The following NSD1 variants were observed in gnomAD, a reference collection of about 807,000 sequenced individuals.
NSD1 encodes nuclear receptor binding SET domain protein 1.
NSD1 carries 26 observed loss-of-function variants against 242.7 expected under a neutral mutation model. That is an observed-to-expected ratio of 0.11 (90% CI 0.08 to 0.15). The LOEUF is 0.15. Ranked by LOEUF, NSD1 falls within the 10% of genes least tolerant of loss-of-function variation. The pLI is 1.00. For synonymous variants in NSD1, 1,106 were observed against 1,178.1 expected, an observed-to-expected ratio of 0.94 and a Z score of 1.25; for missense variants, 2,495 against 3,272.8, an observed-to-expected ratio of 0.76 and a Z score of 5.80.
At chr5:177,185,798 T>TATATTTAA (rs1761095806) in intron 2 of NSD1, among the ~76,000 whole-genome samples, 1 of 89,154 alleles carries the variant, frequency 1.1e-5, no homozygotes, top group South Asian at 2.6e-4. Flanking sequence ...ATTATATATA[T>TATATTTAA]ATATATATAA....
Position 177,209,746 on chromosome 5 carries a change from G to C in NSD1, c.1347G>C (p.Leu449Phe). 1 of 1,614,022 alleles carries C rather than the reference G, an allele frequency of 6.2e-7. No individual in the cohort carries two copies. The highest frequency in any genetic ancestry group is 8.5e-7 in the Non-Finnish European group (1 of 1,179,990). The change falls in exon 5 of 23, where the codon TTG becomes TTC. Residue 449 changes from leucine to phenylalanine, a missense_variant. Physicochemically the swap from Leu to Phe is conservative, Grantham distance 22 (BLOSUM62 0). This residue lies in a region of NSD1 where 515 missense variants were observed against 467.0 expected (regional missense o/e 1.10). Transcript: ENST00000439151. Reference sequence around the variant, plus strand: ...AATGTATTCCTGGTTCAATCAAGTTGGACAGTGAAGAAGATATGCCATTTG... The same window carrying C: ...AATGTATTCCTGGTTCAATCAAGTTCGACAGTGAAGAAGATATGCCATTTG... ...NRKCIPGSIK[L>F]DSEEDMPFED... is the part of the protein sequence containing the mutation.
intron 5 of NSD1, among the ~76,000 whole-genome samples, chr5:177,233,586 C>T (rs547130240): frequency 6.9e-6 from 1 of 143,900 alleles, no homozygotes; most frequent in African/African-American, 2.6e-5. Flanking sequence ...ACCATATTGG[C>T]CAGGCTGGTC....
At chr5:177,199,614 T>A (rs28510908) in intron 3 of NSD1, among the ~76,000 whole-genome samples, 1 of 148,864 alleles carries the variant, frequency 6.7e-6, no homozygotes, top group Non-Finnish European at 1.5e-5. Flanking sequence ...CTTTTCTTTT[T>A]TTTTGAGATG....
At chr5:177,251,169 G>A (rs1410472178) in intron 11 of NSD1, among the ~76,000 whole-genome samples, 1 of 149,642 alleles carries the variant, frequency 6.7e-6, no homozygotes. Flanking sequence ...CATCCTGGGC[G>A]ACAGAGCAAG....
intron 8 of NSD1, among the ~76,000 whole-genome samples, chr5:177,242,366 A>G (rs879353934): frequency 2.0e-5 from 3 of 152,098 alleles, no homozygotes; most frequent in Non-Finnish European, 4.4e-5. Flanking sequence ...ATTTTACTTG[A>G]AATAGACTTC....
Position 177,211,618 on chromosome 5 carries a change from A to G in NSD1, c.3219A>G (p.Glu1073=), listed in dbSNP as rs771553725. The G allele has an allele frequency of 2.5e-6, 4 of 1,614,088 alleles. No individual in the cohort carries two copies. The South Asian group carries it at 4.4e-5, about 18-fold the overall frequency. Residue 1073 remains glutamate, a synonymous_variant, in exon 5 of 23, where the codon GAA becomes GAG. Coordinates refer to ENST00000439151, the MANE Select transcript of NSD1 (RefSeq NM_022455.5). ...ATGCTGTACTGCAGGGAGACCGAGAACGTGGAGGTTCATTGAGAGGTGGGG... is the reference window on the plus strand; with the variant it reads ...ATGCTGTACTGCAGGGAGACCGAGAGCGTGGAGGTTCATTGAGAGGTGGGG... ...TLDAVLQGDR[E]RGGSLRGGAE...
intron 20 of NSD1, among the ~76,000 whole-genome samples, 170 bp downstream of exon 20, chr5:177,284,098 CTT>C (rs1759109274): frequency 6.6e-6 from 1 of 152,208 alleles, no homozygotes; most frequent in Non-Finnish European, 1.5e-5. Context: ...CTCCAGAACT[CTT>C]TTCATCTTCC....
At chr5:177,284,819 C>T (rs1759176477) in intron 20 of NSD1, among the ~76,000 whole-genome samples, 1 of 152,122 alleles carries the variant, frequency 6.6e-6, no homozygotes, top group African/African-American at 2.4e-5. Flanking sequence ...AAAAATAAAC[C>T]ACTGGGTGTG....
chr5:177,264,785 AGAG>A (rs1757283400), intron 14 of NSD1: 2 of 745,458 alleles, frequency 2.7e-6, no homozygotes, highest in Non-Finnish European at 4.9e-6. Context: ...ACAAAGGGAA[AGAG>A]GAGAGGCACC....
At chr5:177,140,947 G>T (rs987031354) in intron 2 of NSD1, among the ~76,000 whole-genome samples, 6 of 152,090 alleles carry the variant, frequency 3.9e-5, no homozygotes, top group African/African-American at 1.4e-4. Flanking sequence ...AGCTATCTTG[G>T]AAGAAAATTG....
In NSD1 at chr5:177,182,697, C is replaced by T. The variant is rs553353235; in HGVS notation, c.928-9187C>T. Among the ~76,000 whole-genome samples, 213 of 151,916 alleles carry T rather than the reference C, an allele frequency of 1.4e-3. 1 individual carries two copies. The highest frequency in any genetic ancestry group is 4.6e-3 in the African/African-American group (192 of 41,440). On this transcript the variant is annotated intron_variant, in intron 2 of 22. Transcript: ENST00000439151. ...TGTCACCTAGGCTGGAGTGCAATGG[C>T]GCAATCTCAGCTCACTGTAACCTTC...
At chr5:177,255,293 A>AG (rs1471665255) in intron 12 of NSD1, among the ~76,000 whole-genome samples, 1 of 151,530 alleles carries the variant, frequency 6.6e-6, no homozygotes, top group African/African-American at 2.4e-5. Flanking sequence ...CGAGAGAGGG[A>AG]GATTGAGTCT....
chr5:177,137,522 T>TA (rs1756438536), intron 2 of NSD1: 1 of 152,290 alleles, frequency 6.6e-6, no homozygotes, highest in Non-Finnish European at 1.5e-5. Context: ...ATTGCAGATT[T>TA]AAAAAAATTT....
At chr5:177,184,427 CT>C (rs1218646749) in intron 2 of NSD1, among the ~76,000 whole-genome samples, 3 of 152,054 alleles carry the variant, frequency 2.0e-5, no homozygotes, top group Non-Finnish European at 4.4e-5. Flanking sequence ...TGAGTAATTT[CT>C]ATTCAGATTT....
intron 14 of NSD1, among the ~76,000 whole-genome samples, chr5:177,262,996 T>C (rs921536017): frequency 4.8e-4 from 73 of 152,176 alleles, no homozygotes; most frequent in African/African-American, 1.8e-3. Context: ...TTCAAAAGAA[T>C]GCAACCTTTT....
intron 12 of NSD1, 87 bp downstream of exon 12, chr5:177,251,940 G>A: frequency 2.0e-6 from 3 of 1,529,068 alleles, no homozygotes; most frequent in Non-Finnish European, 2.7e-6. Context: ...ACACTATTTT[G>A]TGGCAACACT....
At chr5:177,185,336 C>T (rs1012699794) in intron 2 of NSD1, among the ~76,000 whole-genome samples, 1 of 151,888 alleles carries the variant, frequency 6.6e-6, no homozygotes, top group Non-Finnish European at 1.5e-5. Flanking sequence ...CTGTGGCTCA[C>T]GTCTGTAATC....
At chr5:177,207,389 T>C (rs2149839503) in intron 4 of NSD1, among the ~76,000 whole-genome samples, 1 of 151,648 alleles carries the variant, frequency 6.6e-6, no homozygotes, top group Admixed American at 6.6e-5. Flanking sequence ...TTCACGCCAT[T>C]CTCCTGCCTC....
chr5:177,146,994 A>G (rs1030808793), intron 2 of NSD1, among the ~76,000 whole-genome samples: 3 of 135,844 alleles, frequency 2.2e-5, no homozygotes, highest in South Asian at 2.9e-4. Flanking sequence ...GTGACAGAGT[A>G]TGTCTCTGTC....
Sources: allele counts gnomAD v4.1 joint callset (sites outside exome capture counted in the v4.1 genomes callset), GRCh38; gene constraint gnomAD v4.1.1; regional missense constraint gnomAD v4.1.1; transcripts MANE v1.5; gene names NCBI Gene and HGNC (gene_info 2026-07-23, HGNC 2026-07-21).